The following ERG variants were observed in gnomAD, a reference collection of about 807,000 sequenced individuals.
ERG encodes transcriptional regulator ERG.
ERG carries 9 observed loss-of-function variants against 55.3 expected under a neutral mutation model. The observed-to-expected ratio is 0.16, with a 90% CI of 0.10 to 0.28. The LOEUF (loss-of-function observed/expected upper bound fraction) is 0.28. Ranked by LOEUF, ERG falls within the 10% of genes least tolerant of loss-of-function variation. The pLI is 1.00. For synonymous variants in ERG, 223 were observed against 237.3 expected (o/e 0.94, Z 0.55); for missense variants, 434 against 631.6 (o/e 0.69, Z 3.35).
At chr21:38,587,176 A>C (rs778343957), upstream of ERG, among the ~76,000 whole-genome samples, 103 of 152,216 alleles carry the variant, frequency 6.8e-4, no homozygotes, top group Non-Finnish European at 1.3e-3. Context: ...GAGAAAACTA[A>C]GGAATAATCA....
intron 2 of ERG, among the ~76,000 whole-genome samples, chr21:38,436,050 G>T (rs371991535): frequency 3.2e-3 from 263 of 80,924 alleles, no homozygotes; most frequent in African/African-American, 0.012. Flanking sequence ...ACGGAGTTTT[G>T]CTCTTGTTGC....
chr21:38,523,619 T>G (rs922439771), intron 2 of ERG, among the ~76,000 whole-genome samples: 7 of 152,158 alleles, frequency 4.6e-5, no homozygotes, highest in African/African-American at 1.7e-4. Flanking sequence ...TTCACCCCAC[T>G]CATTATTGTA....
intron 1 of ERG, among the ~76,000 whole-genome samples, chr21:38,477,462 C>G (rs74958369): frequency 0.033 from 5,083 of 152,082 alleles, 183 homozygotes; most frequent in East Asian, 0.13. Flanking sequence ...GGGGAGCAAA[C>G]CTGTGATCTT....
chr21:38,636,926 T>C (rs1288525491), intron 1 of ERG, among the ~76,000 whole-genome samples: 1 of 152,168 alleles, frequency 6.6e-6, no homozygotes, highest in Non-Finnish European at 1.5e-5. Flanking sequence ...GCGAACACTG[T>C]TACAGTTTAC....
At chr21:38,369,483 GA>G in the ERG span, among the ~76,000 whole-genome samples, 1 of 151,864 alleles carries the variant, frequency 6.6e-6, no homozygotes, top group Non-Finnish European at 1.5e-5. Context: ...TCTTTGTAAA[GA>G]AATTAATAAA....
At chr21:38,621,742 A>C (rs2060291751) in intron 1 of ERG, among the ~76,000 whole-genome samples, 1 of 152,238 alleles carries the variant, frequency 6.6e-6, no homozygotes, top group Admixed American at 6.5e-5. Flanking sequence ...TCAGGCCACC[A>C]AGCCTAAGAG....
At chr21:38,632,750 G>A (rs947150451) in intron 1 of ERG, among the ~76,000 whole-genome samples, 2 of 152,162 alleles carry the variant, frequency 1.3e-5, no homozygotes, top group African/African-American at 2.4e-5. Context: ...ACCCAGTCTT[G>A]AGTATGTCTT....
intron 1 of ERG, among the ~76,000 whole-genome samples, chr21:38,619,583 G>T (rs746275401): frequency 1.3e-5 from 2 of 152,224 alleles, no homozygotes; most frequent in Non-Finnish European, 2.9e-5. Flanking sequence ...AACAGGGATA[G>T]CTCAGGAGGC....
At chr21:38,371,210 A>G in the ERG span, among the ~76,000 whole-genome samples, 1 of 152,054 alleles carries the variant, frequency 6.6e-6, no homozygotes, top group African/African-American at 2.4e-5. Flanking sequence ...CTCAATGTAT[A>G]TGTTAGTATG....
At chr21:38,509,286 CTGTATGATCATTCA>C (rs1436029220) in intron 2 of ERG, among the ~76,000 whole-genome samples, 2 of 152,216 alleles carry the variant, frequency 1.3e-5, no homozygotes, top group African/African-American at 4.8e-5. Flanking sequence ...AATATTCCTT[CTGTATGATCATTCA>C]TCCATTCATC....
At chr21:38,597,662 C>T (rs1042249228) in intron 1 of ERG, among the ~76,000 whole-genome samples, 12 of 152,122 alleles carry the variant, frequency 7.9e-5, no homozygotes, top group Non-Finnish European at 1.5e-5. Context: ...CATCAGCAGG[C>T]ACTTCCCAAA....
chr21:38,548,907 G>C (rs958052570), intron 2 of ERG, among the ~76,000 whole-genome samples: 2 of 150,198 alleles, frequency 1.3e-5, no homozygotes, highest in African/African-American at 4.9e-5. Context: ...TCGGGAGATC[G>C]AGACCATCCT....
chr21:38,451,267 T>C (rs141504053), intron 1 of ERG: 1 of 485,434 alleles, frequency 2.1e-6, no homozygotes, highest in Admixed American at 2.2e-5. Context: ...TCTCTAGGTA[T>C]ACCATGCTCT....
intron 1 of ERG, among the ~76,000 whole-genome samples, chr21:38,445,868 G>A (rs1403498540): frequency 6.6e-6 from 1 of 151,990 alleles, no homozygotes; most frequent in Non-Finnish European, 1.5e-5. Context: ...CTGTGGCAGG[G>A]CAGCAGAATA....
At chr21:38,376,407 C>T (rs1013583353), downstream of ERG, among the ~76,000 whole-genome samples, 4 of 152,184 alleles carry the variant, frequency 2.6e-5, no homozygotes, top group South Asian at 2.1e-4. Flanking sequence ...CAGGAAGAGG[C>T]GGGTCCTACC....
chr21:38,483,836 C>A (rs2059259732), intron 1 of ERG, among the ~76,000 whole-genome samples: 1 of 152,116 alleles, frequency 6.6e-6, no homozygotes, highest in African/African-American at 2.4e-5. Flanking sequence ...CACAGCATTC[C>A]AGCCTGGGCG....
chr21:38,609,338 T>A lies in ERG; in HGVS notation c.-149-24393A>T, dbSNP rs567887448. Reference sequence around the variant, plus strand: ...TATTTTCACGCCCATGTGGAAGATTTCTAAAAACGACATAGTAAATCCCAA... The same window carrying A: ...TATTTTCACGCCCATGTGGAAGATTACTAAAAACGACATAGTAAATCCCAA... On this transcript the variant is annotated intron_variant, in intron 1 of 10. Transcript: ENST00000398910. Among the ~76,000 whole-genome samples the A allele has an allele frequency of 3.2e-4, 49 of 152,148 alleles. 2 individuals carry two copies. In the South Asian group the frequency reaches 1.0e-2, roughly 31 times the overall value.
intron 1 of ERG, among the ~76,000 whole-genome samples, chr21:38,632,303 T>C (rs940338622): frequency 3.3e-5 from 5 of 152,152 alleles, no homozygotes; most frequent in Admixed American, 6.5e-5. Context: ...AAAATGCAGA[T>C]TGAAAACACA....
chr21:38,576,326 C>T lies in ERG; in HGVS notation c.-126-579G>A, dbSNP rs559641709. Among the ~76,000 whole-genome samples, 15 of 152,230 alleles carry T rather than the reference C, an allele frequency of 9.9e-5. No individual in the cohort carries two copies. The East Asian group carries it at 1.9e-3, about 20-fold the overall frequency. ...GTCATTCCCATTGTCCAGCTGTGGACGTCAAGACTCATAAAGGTTACTGAT... is the reference window on the plus strand; with the variant it reads ...GTCATTCCCATTGTCCAGCTGTGGATGTCAAGACTCATAAAGGTTACTGAT... On this transcript the variant is annotated intron_variant, in intron 1 of 8. Coordinates refer to the ERG transcript ENST00000398897.
Sources: gnomAD v4.1 joint callset for allele counts (sites outside exome capture counted in the v4.1 genomes callset) on GRCh38, gnomAD v4.1.1 for gene constraint, MANE v1.5 for transcripts, NCBI Gene and HGNC (gene_info 2026-07-23, HGNC 2026-07-21) for gene names.